Variants in TNKS observed in about 807,000 individuals in gnomAD.
The protein encoded by TNKS is poly [ADP-ribose] polymerase tankyrase-1.
A neutral mutation model predicts 135.8 loss-of-function variants in TNKS; 72 were observed. The observed-to-expected ratio is 0.53, with a 90% CI of 0.44 to 0.64. The LOEUF is 0.64. Ranked by LOEUF, TNKS falls within the 30% of genes least tolerant of loss-of-function variation. The pLI is 0.00. For missense variants in TNKS, 1,769 were observed against 1,674.0 expected (o/e 1.06, Z -0.99); for synonymous variants, 849 against 649.3 (o/e 1.31, Z -4.68).
rs372624223 is a variant in TNKS at position 9,720,539 on chromosome 8, C to G, written c.1915C>G (p.Leu639Val). 2.5e-6 allele frequency: 4 copies of G among 1,611,346 alleles called. No homozygotes were observed. Among genetic ancestry groups the G allele is most frequent in the Non-Finnish European group, 3.4e-6 (4 of 1,178,932 alleles). The change falls in exon 12 of 27, where the codon CTG becomes GTG. Residue 639 changes from leucine to valine, a missense_variant. By Grantham distance (32) the Leu-to-Val change is conservative (BLOSUM62 1). Coordinates refer to ENST00000310430, the MANE Select transcript of TNKS (RefSeq NM_003747.3). ...QMGNEAVQQI[L>V]SESTPIRTSD... ...GGGCAATGAAGCAGTGCAGCAGATT[C>G]TGAGTGGTGAGTTAAAATAGACCAA...
chr8:9,641,247 G>C lies in TNKS; in HGVS notation c.994+25570G>C, dbSNP rs1204531074. Among the ~76,000 whole-genome samples the C allele has an allele frequency of 4.9e-5, 7 of 142,164 alleles. No homozygotes were observed. The Admixed American group carries it at 5.2e-4, about 11-fold the overall frequency. The allele number at this position is 142,164 out of a possible 152,430, so 93.3% of individuals were successfully genotyped here. On this transcript the variant is annotated intron_variant, in intron 3 of 26. Coordinates refer to ENST00000310430, the MANE Select transcript of TNKS (RefSeq NM_003747.3). Reference sequence around the variant, plus strand: ...CCAGCATTTAGGAGTTGAATGTGTTGTTAACTTTTTATATATGCATATGCT... The same window carrying C: ...CCAGCATTTAGGAGTTGAATGTGTTCTTAACTTTTTATATATGCATATGCT...
chr8:9,680,411 G>T (rs1802733425), intron 4 of TNKS, among the ~76,000 whole-genome samples: 1 of 151,992 alleles, frequency 6.6e-6, no homozygotes, highest in South Asian at 2.1e-4. Context: ...CATTTTGTAT[G>T]TATTTTTAAC....
At chr8:9,680,825 C>A in intron 5 of TNKS, 25 bp downstream of exon 5, 1 of 1,590,188 alleles carries the variant, frequency 6.3e-7, no homozygotes, top group Non-Finnish European at 8.6e-7. Flanking sequence ...ATACAATCCT[C>A]TTTAATTGCA....
At chr8:9,667,530 AT>A (rs1802051961) in intron 3 of TNKS, among the ~76,000 whole-genome samples, 1 of 152,206 alleles carries the variant, frequency 6.6e-6, no homozygotes, top group Non-Finnish European at 1.5e-5. Context: ...TTGCAGACTG[AT>A]GTGGAGGCAT....
chr8:9,605,102 A>G (rs1163966313), intron 2 of TNKS, among the ~76,000 whole-genome samples: 3 of 152,098 alleles, frequency 2.0e-5, no homozygotes, highest in Non-Finnish European at 4.4e-5. Flanking sequence ...ATACCCATAT[A>G]ACTACCACTC....
chr8:9,767,456 G>T (rs1485811983), intron 25 of TNKS, among the ~76,000 whole-genome samples: 2 of 152,080 alleles, frequency 1.3e-5, no homozygotes, highest in Non-Finnish European at 2.9e-5. Flanking sequence ...TTTGTAATTT[G>T]GTTAAGACCT....
At position 9,781,072 on chromosome 8, in the gene TNKS, C is replaced by T. The variant is rs564742099; in HGVS notation, c.*4336C>T. The T allele has an allele frequency of 2.0e-5, 3 of 152,294 alleles. No individual in the cohort carries two copies. The East Asian group carries it at 5.8e-4, about 29-fold the overall frequency. 9.4% of individuals were successfully genotyped at this position (152,294 alleles called of 1,614,324 possible). A position where few individuals can be genotyped will look rare whatever the true frequency, so the allele number is the denominator to read the frequency against. The stretch of plus-strand genomic sequence containing the variant: ...TAGAGGAAGCTAATGATTTTATATA[C>T]TTTGCACGACCAAATATGGTCGTAG... On this transcript the variant is annotated 3_prime_UTR_variant, in exon 27 of 27. Coordinates refer to ENST00000310430, the MANE Select transcript of TNKS (RefSeq NM_003747.3).
At chr8:9,721,296 A>ATTT (rs1563190528) in intron 12 of TNKS, among the ~76,000 whole-genome samples, 2 of 102,926 alleles carry the variant, frequency 1.9e-5, no homozygotes, top group East Asian at 3.0e-4. Flanking sequence ...TAAATAAATA[A>ATTT]ATTATATATA....
At chr8:9,657,973 C>T (rs1327614589) in intron 3 of TNKS, among the ~76,000 whole-genome samples, 4 of 63,102 alleles carry the variant, frequency 6.3e-5, no homozygotes, top group East Asian at 5.4e-4. Context: ...GGGTCTCGGC[C>T]GGGCAGAGGC....
chr8:9,656,509 A>G (rs559532461), intron 3 of TNKS, among the ~76,000 whole-genome samples: 1 of 152,338 alleles, frequency 6.6e-6, no homozygotes, highest in Admixed American at 6.5e-5. Context: ...GGTTACCCAC[A>G]AAGGGAAGCC....
chr8:9,699,253 CT>C (rs1428884097), intron 5 of TNKS, among the ~76,000 whole-genome samples: 1 of 152,210 alleles, frequency 6.6e-6, no homozygotes, highest in African/African-American at 2.4e-5. Context: ...TAGAAAATTA[CT>C]TTTACCATTG....
chr8:9,560,493 C>CTTTTTTTTTTTTT lies in TNKS; in HGVS notation c.673+3899_673+3911dup, dbSNP rs535715245. Among the ~76,000 whole-genome samples, 37 of 42,288 alleles carry CTTTTTTTTTTTTT rather than the reference C, an allele frequency of 8.7e-4. 6 individuals are homozygous for CTTTTTTTTTTTTT. The highest frequency in any genetic ancestry group is 4.1e-3 in the African/African-American group (34 of 8,282). The allele number at this position is 42,288 out of a possible 152,430, so 27.7% of individuals were successfully genotyped here. On this transcript the variant is annotated intron_variant, in intron 1 of 26. Coordinates refer to ENST00000310430, the MANE Select transcript of TNKS (RefSeq NM_003747.3). ...GATTTTTCAGCATGGCCATACTTGT[C>CTTTTTTTTTTTTT]TTTTTTTTTTTTTTTTTTTTTTTTT...
At chr8:9,651,936 C>G (rs1801162941) in intron 3 of TNKS, among the ~76,000 whole-genome samples, 1 of 152,178 alleles carries the variant, frequency 6.6e-6, no homozygotes, top group Admixed American at 6.5e-5. Flanking sequence ...GATTATTACA[C>G]TGCAGGGTTG....
intron 3 of TNKS, among the ~76,000 whole-genome samples, chr8:9,664,260 T>G (rs1801880808): frequency 6.6e-6 from 1 of 152,116 alleles, no homozygotes; most frequent in Non-Finnish European, 1.5e-5. Flanking sequence ...AGTCAGCATG[T>G]GCAAAGACGA....
intron 5 of TNKS, among the ~76,000 whole-genome samples, chr8:9,690,647 C>A (rs149365453): frequency 6.6e-6 from 1 of 151,884 alleles, no homozygotes; most frequent in African/African-American, 2.4e-5. Flanking sequence ...CCTAGCTACA[C>A]GGGAGGCTGA....
At chr8:9,731,624 G>T (rs1235023969) in intron 14 of TNKS, among the ~76,000 whole-genome samples, 1 of 152,074 alleles carries the variant, frequency 6.6e-6, no homozygotes, top group Non-Finnish European at 1.5e-5. Context: ...CGATGGTGGT[G>T]GTGGTGATTT....
At chr8:9,752,006 C>G (rs955802522) in intron 19 of TNKS, among the ~76,000 whole-genome samples, 160 bp downstream of exon 19, 3 of 152,210 alleles carry the variant, frequency 2.0e-5, no homozygotes, top group Non-Finnish European at 4.4e-5. Context: ...TCATAGAAGG[C>G]TGCCACGTTT....
At chr8:9,742,461 C>T (rs565580656) in intron 17 of TNKS, among the ~76,000 whole-genome samples, 22 of 151,422 alleles carry the variant, frequency 1.5e-4, no homozygotes, top group Non-Finnish European at 2.2e-4. Context: ...ATCTCTGCTC[C>T]GCAAAATAAT....
At chr8:9,560,658 T>C (rs1343500907) in intron 1 of TNKS, among the ~76,000 whole-genome samples, 1 of 152,014 alleles carries the variant, frequency 6.6e-6, no homozygotes, top group African/African-American at 2.4e-5. Context: ...CTTACACTTC[T>C]CGTTGCCTGG....
Sources: gnomAD v4.1 joint callset for allele counts (sites outside exome capture counted in the v4.1 genomes callset) on GRCh38, gnomAD v4.1.1 for gene constraint, MANE v1.5 for transcripts, NCBI Gene and HGNC (gene_info 2026-07-23, HGNC 2026-07-21) for gene names.